CABP5: variants seen among roughly 807,000 people sequenced by gnomAD.
CABP5 encodes calcium-binding protein 5.
Under a neutral mutation model 21.9 loss-of-function variants are expected in CABP5, and 17 were observed. The observed-to-expected ratio is 0.78, with a 90% CI of 0.53 to 1.17. The LOEUF is 1.17. Ranked by LOEUF, CABP5 falls within the 50% of genes most tolerant of loss-of-function variation. The pLI is 0.00. For synonymous variants in CABP5, 85 were observed against 79.4 expected (o/e 1.07, Z -0.37); for missense variants, 229 against 228.9 (o/e 1.00, Z 0.00).
rs72005770 is a variant in CABP5, at chr19:48,029,798, C to CAGAGAGAGAGAGAGAGAG, written c.*741_*758dup. On this transcript the variant is annotated 3_prime_UTR_variant, in exon 6 of 6. Transcript: ENST00000293255. ...GGGAGGGGAGACAGAGACAGACAGA[C>CAGAGAGAGAGAGAGAGAG]AGAGAGAGAGAGAGAGAGAGAGAGA... is the stretch of plus-strand genomic sequence containing the variant. Among the ~76,000 whole-genome samples the CAGAGAGAGAGAGAGAGAG allele has an allele frequency of 0.015, 1,755 of 120,116 alleles. 70 individuals carry two copies. Among genetic ancestry groups the CAGAGAGAGAGAGAGAGAG allele is most frequent in the Non-Finnish European group, 0.019 (1,126 of 57,902 alleles). 78.8% of individuals were successfully genotyped at this position (120,116 alleles called of 152,430 possible).
intron 1 of CABP5, among the ~76,000 whole-genome samples, chr19:48,042,771 CA>C (rs1967498436): frequency 6.6e-6 from 1 of 152,020 alleles, no homozygotes; most frequent in Non-Finnish European, 1.5e-5. Flanking sequence ...GACAGGGTTT[CA>C]CCATCTTGGC....
rs866367957 is a variant in CABP5, at chr19:48,031,973, G to A, written c.497-1391C>T. Reference sequence around the variant, plus strand: ...CCCTTCCTCCTCTCTATCTAGGATGGAGGCCTTGGAAGCTAATACAACTCA... The same window carrying A: ...CCCTTCCTCCTCTCTATCTAGGATGAAGGCCTTGGAAGCTAATACAACTCA... On this transcript the variant is annotated intron_variant, in intron 5 of 5. Transcript: ENST00000293255. 1.6e-4 allele frequency among the ~76,000 whole-genome samples: 24 copies of A among 151,468 alleles called. No homozygotes were observed. In the Middle Eastern group the frequency reaches 0.01, roughly 64 times the overall value.
chr19:48,030,423 C>T lies in CABP5; in HGVS notation c.*134G>A, dbSNP rs115338642. 6,011 of 831,108 alleles carry T rather than the reference C, an allele frequency of 7.2e-3. 37 individuals carry two copies. Among genetic ancestry groups the T allele is most frequent in the Non-Finnish European group, 9.8e-3 (5,095 of 517,860 alleles). The allele number at this position is 831,108 out of a possible 1,614,324, so 51.5% of individuals were successfully genotyped here. A position where few individuals can be genotyped will look rare whatever the true frequency, so the allele number is the denominator to read the frequency against. On this transcript the variant is annotated 3_prime_UTR_variant, in exon 6 of 6. Coordinates refer to ENST00000293255, the MANE Select transcript of CABP5 (RefSeq NM_019855.5). ...GGGTCTCACCCCATGCACAGCGCCG[C>T]ATGCCAATGCCCTCCCTCCCGCCTG...
At position 48,034,271 on chromosome 19, in the gene CABP5, A is replaced by T; in HGVS notation, c.440T>A (p.Ile147Asn). ...LLGERLTPRE[I>N]SEVVREADVN... ...ATCAGCCTCCCGGACAACCTCAGAGATCTCCCGGGGGGTGAGCCGCTCCCC... is the reference window on the plus strand; with the variant it reads ...ATCAGCCTCCCGGACAACCTCAGAGTTCTCCCGGGGGGTGAGCCGCTCCCC... Residue 147 changes from isoleucine to asparagine, a missense_variant, in exon 5 of 6, where the codon ATC becomes AAC. By Grantham distance (149) the Ile-to-Asn change is moderately radical (BLOSUM62 -3). Coordinates refer to ENST00000293255, the MANE Select transcript of CABP5 (RefSeq NM_019855.5). The T allele has an allele frequency of 6.2e-7, 1 of 1,607,198 alleles. No individual in the cohort carries two copies. The highest frequency in any genetic ancestry group is 8.5e-7 in the Non-Finnish European group (1 of 1,177,268).
chr19:48,037,474 G>A (rs973329939), intron 4 of CABP5, among the ~76,000 whole-genome samples: 1 of 151,534 alleles, frequency 6.6e-6, no homozygotes, highest in Non-Finnish European at 1.5e-5. Context: ...CTCCATGTTG[G>A]TCAGGCTGGT....
At chr19:48,031,455 G>A (rs1265378118) in intron 5 of CABP5, among the ~76,000 whole-genome samples, 1 of 152,148 alleles carries the variant, frequency 6.6e-6, no homozygotes, top group Admixed American at 6.5e-5. Context: ...CAGGAGAATT[G>A]CTTGAACCCA....
intron 5 of CABP5, among the ~76,000 whole-genome samples, chr19:48,032,899 G>GAA (rs1967358749): frequency 6.6e-6 from 1 of 151,956 alleles, no homozygotes; most frequent in Non-Finnish European, 1.5e-5. Flanking sequence ...CCAAAGTGCT[G>GAA]AAATTACAGG....
rs1415174923 is a variant in CABP5, at chr19:48,043,924, G to A, written c.-2C>T. On this transcript the variant is annotated 5_prime_UTR_variant, in exon 1 of 6. Coordinates refer to ENST00000293255, the MANE Select transcript of CABP5 (RefSeq NM_019855.5). The stretch of plus-strand genomic sequence containing the variant: ...GGCGGGGCCCATGGGGAACTGCATG[G>A]AGGGGTGGGGTGGAGCTCGCAGGGC... 4.0e-6 allele frequency: 6 copies of A among 1,507,370 alleles called. No individual in the cohort carries two copies. Among genetic ancestry groups the A allele is most frequent in the Non-Finnish European group, 5.3e-6 (6 of 1,134,272 alleles). 93.4% of individuals were successfully genotyped at this position (1,507,370 alleles called of 1,614,324 possible). A position where few individuals can be genotyped will look rare whatever the true frequency, so the allele number is the denominator to read the frequency against.
intron 3 of CABP5, 132 bp downstream of exon 3, chr19:48,040,473 T>C (rs1967465811): frequency 1.1e-6 from 1 of 900,498 alleles, no homozygotes; most frequent in Admixed American, 2.6e-5. Context: ...ATCTGACCTG[T>C]TTTCTTCCAG....
At chr19:48,033,955 C>T (rs151043046) in intron 5 of CABP5, among the ~76,000 whole-genome samples, 2 of 152,228 alleles carry the variant, frequency 1.3e-5, no homozygotes, top group African/African-American at 2.4e-5. Flanking sequence ...GGCGGAAGGG[C>T]GTCCTGAGCA....
chr19:48,029,798 CAGAGAGAGAGAGAGAGAG>C lies in CABP5; in HGVS notation c.*741_*758del, dbSNP rs72005770. 3.3e-5 allele frequency among the ~76,000 whole-genome samples: 4 copies of C among 120,150 alleles called. No homozygotes were observed. Among genetic ancestry groups the C allele is most frequent in the South Asian group, 2.9e-4 (1 of 3,456 alleles). The allele number at this position is 120,150 out of a possible 152,430, so 78.8% of individuals were successfully genotyped here. On this transcript the variant is annotated 3_prime_UTR_variant, in exon 6 of 6. Coordinates refer to ENST00000293255, the MANE Select transcript of CABP5 (RefSeq NM_019855.5). ...GGGAGGGGAGACAGAGACAGACAGA[CAGAGAGAGAGAGAGAGAG>C]AGAGAGAGAGAGAGAGAGAGAAACC...
Position 48,041,564 on chromosome 19 carries a change from C to T in CABP5, c.94+9G>A, listed in dbSNP as rs567793963. On this transcript the variant is annotated intron_variant, in intron 2 of 5. Transcript: ENST00000293255. ...GCAACGTGGAAGCAACTGGGGAAGA[C>T]GGTGTTACCTTCAATCTCATCTTGT... 6.2e-6 allele frequency: 10 copies of T among 1,611,934 alleles called. No individual in the cohort carries two copies. The highest frequency in any genetic ancestry group is 2.2e-5 in the South Asian group (2 of 90,700).
intron 1 of CABP5, among the ~76,000 whole-genome samples, chr19:48,042,533 A>T (rs1600129225): frequency 6.8e-6 from 1 of 147,668 alleles, no homozygotes; most frequent in African/African-American, 2.5e-5. Flanking sequence ...CTTTCATCTG[A>T]TCCCCTCCTT....
intron 5 of CABP5, among the ~76,000 whole-genome samples, chr19:48,031,102 C>T (rs1967334545): frequency 1.3e-5 from 2 of 152,126 alleles, no homozygotes; most frequent in African/African-American, 4.8e-5. Context: ...GTTGCAGTTT[C>T]TTCATTTCTG....
rs185485194 is a variant in CABP5 at position 48,043,371 on chromosome 19, T to C, written c.63+489A>G. On this transcript the variant is annotated intron_variant, in intron 1 of 5. Transcript: ENST00000293255. ...GACTTCATGACTCAGAGCTTCACTT[T>C]CCTCACCTGTAAAATGGGAATGAAA... Among the ~76,000 whole-genome samples, 305 of 150,900 alleles carry C rather than the reference T, an allele frequency of 2.0e-3. 3 individuals are homozygous for C. The highest frequency in any genetic ancestry group is 7.1e-3 in the African/African-American group (291 of 41,006).
chr19:48,031,100 T>G (rs1162743207), intron 5 of CABP5, among the ~76,000 whole-genome samples: 1 of 152,198 alleles, frequency 6.6e-6, no homozygotes, highest in Non-Finnish European at 1.5e-5. Flanking sequence ...ATGTTGCAGT[T>G]TCTTCATTTC....
In CABP5 at chr19:48,029,752, C is replaced by G. The variant is rs1183058161; in HGVS notation, c.*805G>C. ...TGGTTTAATTCAGTCCCCTGAGTAT[C>G]TTACACAAAGGAAGGGATGTGGGAG... On this transcript the variant is annotated 3_prime_UTR_variant, in exon 6 of 6. Coordinates refer to ENST00000293255, the MANE Select transcript of CABP5 (RefSeq NM_019855.5). Among the ~76,000 whole-genome samples, 1 of 149,304 alleles carries G rather than the reference C, an allele frequency of 6.7e-6. No homozygotes were observed. The highest frequency in any genetic ancestry group is 1.5e-5 in the Non-Finnish European group (1 of 67,478).
chr19:48,035,772 G>A (rs1325504765), intron 4 of CABP5, among the ~76,000 whole-genome samples: 1 of 152,212 alleles, frequency 6.6e-6, no homozygotes. Context: ...GGGGAGAAAT[G>A]AGCATGAAAT....
At chr19:48,030,673 G>A (rs1398087183) in intron 5 of CABP5, 91 bp from the exon 6 acceptor site, 11 of 1,220,648 alleles carry the variant, frequency 9.0e-6, no homozygotes, top group Non-Finnish European at 8.4e-6. Context: ...GGCAGGCACT[G>A]CTGGTGATCC....
Sources: allele counts gnomAD v4.1 joint callset (sites outside exome capture counted in the v4.1 genomes callset), GRCh38; gene constraint gnomAD v4.1.1; transcripts MANE v1.5; gene names NCBI Gene and HGNC (gene_info 2026-07-23, HGNC 2026-07-21).